The following DNAJC7 variants were observed in gnomAD, a reference collection of about 807,000 sequenced individuals.
The protein encoded by DNAJC7 is dnaJ homolog subfamily C member 7.
In DNAJC7, 18 loss-of-function variants were observed where a neutral mutation model predicts 67.4. The observed-to-expected ratio is 0.27, with a 90% CI of 0.18 to 0.40. The LOEUF is 0.40. Ranked by LOEUF, DNAJC7 falls within the 10% of genes least tolerant of loss-of-function variation. DNAJC7 has a pLI of 1.00. For missense variants in DNAJC7, 419 were observed against 613.8 expected, an observed-to-expected ratio of 0.68 and a Z score of 3.35; for synonymous variants, 220 against 207.8, an observed-to-expected ratio of 1.06 and a Z score of -0.50.
In DNAJC7 at chr17:41,981,760, T is replaced by C. The variant is rs1204475435; in HGVS notation, c.1384+95A>G. 2.0e-6 allele frequency: 3 copies of C among 1,511,318 alleles called. No homozygotes were observed. The East Asian group carries it at 6.8e-5, about 34-fold the overall frequency. The allele number at this position is 1,511,318 out of a possible 1,614,324, so 93.6% of individuals were successfully genotyped here. On this transcript the variant is annotated intron_variant, in intron 12 of 13. Coordinates refer to ENST00000457167, the MANE Select transcript of DNAJC7 (RefSeq NM_003315.4). ...TACTGTTTGGACCAGGGATCAGATT[T>C]GGCCCAAATAGACTCTCCCTCTGGA...
At chr17:41,983,714 C>T in intron 9 of DNAJC7, 78 bp from the exon 10 acceptor site, 5 of 1,309,300 alleles carry the variant, frequency 3.8e-6, no homozygotes, top group Non-Finnish European at 4.2e-6. Flanking sequence ...GGGCAAGAGG[C>T]ATGGCTCAAG....
chr17:41,989,012 G>GCC, intron 7 of DNAJC7, 116 bp from the exon 8 acceptor site: 1 of 1,279,174 alleles, frequency 7.8e-7, no homozygotes, highest in East Asian at 2.4e-5. Flanking sequence ...GCATCACAGA[G>GCC]CCCCGCCAAC....
At position 41,994,801 on chromosome 17, in the gene DNAJC7, TCA is replaced by T. The variant is rs1177745103; in HGVS notation, c.480+67_480+68del. The T allele has an allele frequency of 5.2e-4, 700 of 1,346,490 alleles. 1 individual carries two copies. The highest frequency in any genetic ancestry group is 4.9e-4 in the Non-Finnish European group (464 of 941,338). 83.4% of individuals were successfully genotyped at this position (1,346,490 alleles called of 1,614,324 possible). A position where few individuals can be genotyped will look rare whatever the true frequency, so the allele number is the denominator to read the frequency against. ...TGTGCCATACTACTCCTCTTAATTATCACACACACACACGAATGGGAATTTTG... is the reference window on the plus strand; with the variant it reads ...TGTGCCATACTACTCCTCTTAATTATCACACACACACGAATGGGAATTTTG... On this transcript the variant is annotated intron_variant, in intron 5 of 13. Coordinates refer to ENST00000457167, the MANE Select transcript of DNAJC7 (RefSeq NM_003315.4).
In DNAJC7 at chr17:41,994,893, A is replaced by G. The variant is rs1555648349; in HGVS notation, c.457T>C (p.Phe153Leu). ...MEYEKIAETD[F>L]EKRDFRKVVF... Reference sequence around the variant, plus strand: ...ACCTTCCGAAAATCTCGCTTCTCAAAATCTGTTTCTGCTATTTTCTCATAT... The same window carrying G: ...ACCTTCCGAAAATCTCGCTTCTCAAGATCTGTTTCTGCTATTTTCTCATAT... The change falls in exon 5 of 14, where the codon TTT becomes CTT. Residue 153 changes from phenylalanine (F) to leucine (L), a missense_variant. Transcript: ENST00000457167. 15 of 1,613,978 alleles carry G rather than the reference A, an allele frequency of 9.3e-6. No homozygotes were observed. The highest frequency in any genetic ancestry group is 1.2e-5 in the Non-Finnish European group (14 of 1,179,884).
At chr17:41,983,495 C>G in intron 10 of DNAJC7, 68 bp downstream of exon 10, 1 of 1,377,454 alleles carries the variant, frequency 7.3e-7, no homozygotes, top group South Asian at 1.3e-5. Flanking sequence ...ATCAAACTAC[C>G]TTGTGTACAG....
chr17:41,987,905 C>T lies in DNAJC7; in HGVS notation c.924G>A (p.Arg308=), dbSNP rs782476306. The change falls in exon 9 of 14, where the codon AGG becomes AGA. Residue 308 remains arginine (R), a synonymous_variant. Transcript: ENST00000457167. ...CNRGTVNSKL[R]KLDDAIEDCT... Reference sequence around the variant, plus strand: ...AGTCTTCTATTGCATCATCTAGTTTCCTAAGCTTCAGGAGAGAGAGAGCAA... The same window carrying T: ...AGTCTTCTATTGCATCATCTAGTTTTCTAAGCTTCAGGAGAGAGAGAGCAA... The T allele has an allele frequency of 8.1e-6, 13 of 1,609,894 alleles. No individual in the cohort carries two copies. The highest frequency in any genetic ancestry group is 1.7e-4 in the Middle Eastern group (1 of 6,058).
At chr17:41,976,842 A>C (rs1435430049) in intron 13 of DNAJC7, 72 bp from the exon 14 acceptor site, 1 of 1,564,954 alleles carries the variant, frequency 6.4e-7, no homozygotes, top group African/African-American at 1.4e-5. Flanking sequence ...CTGATTATGG[A>C]AAAGTCTTCA....
chr17:41,989,338 C>T lies in DNAJC7; in HGVS notation c.753+66G>A, dbSNP rs980769751. ...TTCCTTGTGATTCTAAAACCTTCCA[C>T]TCTAGCCATCTTAAAGGTCCCAAAA... On this transcript the variant is annotated intron_variant, in intron 7 of 13. Coordinates refer to ENST00000457167, the MANE Select transcript of DNAJC7 (RefSeq NM_003315.4). The T allele has an allele frequency of 1.8e-4, 280 of 1,579,326 alleles. 1 individual carries two copies. The highest frequency in any genetic ancestry group is 1.1e-4 in the Admixed American group (6 of 55,218).
rs577825220 is a variant in DNAJC7, at chr17:42,017,143, G to C, written c.77+197C>G. ...AGGCCATGCCTCAGCTCCTACGCCA[G>C]GCGGAAGCGGGAGAGGAAGGCCGAC... On this transcript the variant is annotated intron_variant, in intron 1 of 13. Transcript: ENST00000457167. 13 of 1,482,186 alleles carry C rather than the reference G, an allele frequency of 8.8e-6. No individual in the cohort carries two copies. In the East Asian group the frequency reaches 3.0e-4, roughly 34 times the overall value. 91.8% of individuals were successfully genotyped at this position (1,482,186 alleles called of 1,614,324 possible).
rs181074739 is a variant in DNAJC7 at position 42,008,690 on chromosome 17, G to A, written c.78-8120C>T. 1.7e-3 allele frequency among the ~76,000 whole-genome samples: 257 copies of A among 152,166 alleles called. 4 individuals are homozygous for A. The highest frequency in any genetic ancestry group is 5.9e-3 in the African/African-American group (246 of 41,510). ...CTCCCAAAGTGCTGGGATTACAGGC[G>A]TGAGCCACCGCGCCGGGTCAGACAT... On this transcript the variant is annotated intron_variant, in intron 1 of 13. Transcript: ENST00000457167.
chr17:41,993,071 C>T (rs142764599), intron 5 of DNAJC7, among the ~76,000 whole-genome samples: 55 of 152,338 alleles, frequency 3.6e-4, no homozygotes, highest in African/African-American at 1.3e-3. Context: ...TAATAAGTTA[C>T]TGCCGGGACT....
intron 9 of DNAJC7, 133 bp downstream of exon 9, chr17:41,987,686 C>A: frequency 1.4e-6 from 1 of 696,734 alleles, no homozygotes; most frequent in Non-Finnish European, 2.4e-6. Context: ...AGGGCTGGAA[C>A]AATCCCACCT....
chr17:42,010,102 A>G (rs1555650866), intron 1 of DNAJC7, among the ~76,000 whole-genome samples: 1 of 152,132 alleles, frequency 6.6e-6, no homozygotes, highest in African/African-American at 2.4e-5. Context: ...AGATCGTGCC[A>G]TTGCACACTC....
At chr17:42,005,145 A>T (rs1283588202) in intron 1 of DNAJC7, among the ~76,000 whole-genome samples, 1 of 152,264 alleles carries the variant, frequency 6.6e-6, no homozygotes, top group Non-Finnish European at 1.5e-5. Context: ...CTCTCAATTC[A>T]GCATTCATTC....
intron 1 of DNAJC7, among the ~76,000 whole-genome samples, chr17:42,006,647 A>G (rs2051965317): frequency 6.6e-6 from 1 of 151,110 alleles, no homozygotes; most frequent in Non-Finnish European, 1.5e-5. Context: ...AAATACAAAA[A>G]TTAGCCGGGC....
chr17:41,980,199 G>A lies in DNAJC7; in HGVS notation c.1384+1656C>T, dbSNP rs138523903. 2.4e-3 allele frequency among the ~76,000 whole-genome samples: 370 copies of A among 151,430 alleles called. 2 individuals carry two copies. The highest frequency in any genetic ancestry group is 8.6e-3 in the African/African-American group (355 of 41,328). On this transcript the variant is annotated intron_variant, in intron 12 of 13. Transcript: ENST00000457167. Reference sequence around the variant, plus strand: ...CAAGTAGCTGGGACTACAGGCGTGCGCCACCATGGCTAGCTAATTTTTGTA... The same window carrying A: ...CAAGTAGCTGGGACTACAGGCGTGCACCACCATGGCTAGCTAATTTTTGTA...
intron 1 of DNAJC7, among the ~76,000 whole-genome samples, chr17:42,007,055 T>A (rs1189418101): frequency 1.3e-5 from 2 of 150,398 alleles, no homozygotes; most frequent in Non-Finnish European, 3.0e-5. Flanking sequence ...TGAGCTGACA[T>A]CGCGCCACTG....
intron 5 of DNAJC7, among the ~76,000 whole-genome samples, chr17:41,992,983 T>C (rs1173591010): frequency 6.6e-6 from 1 of 152,092 alleles, no homozygotes; most frequent in Non-Finnish European, 1.5e-5. Context: ...AACACACACA[T>C]GCCAAACAAA....
At position 41,977,502 on chromosome 17, in the gene DNAJC7, G is replaced by C. The variant is rs2051121795; in HGVS notation, c.1385-179C>G. On this transcript the variant is annotated intron_variant, in intron 12 of 13. Coordinates refer to ENST00000457167, the MANE Select transcript of DNAJC7 (RefSeq NM_003315.4). ...ACCTGCCCCATCCCGTGCAAAACAT[G>C]CTACCTGATCCCACTCCTAGGACAT... 6 of 552,134 alleles carry C rather than the reference G, an allele frequency of 1.1e-5. No individual in the cohort carries two copies. In the South Asian group the frequency reaches 1.2e-4, roughly 11 times the overall value. 34.2% of individuals were successfully genotyped at this position (552,134 alleles called of 1,614,324 possible). A position where few individuals can be genotyped will look rare whatever the true frequency, so the allele number is the denominator to read the frequency against.
Sources: allele counts gnomAD v4.1 joint callset (sites outside exome capture counted in the v4.1 genomes callset), GRCh38; gene constraint gnomAD v4.1.1; transcripts MANE v1.5; gene names NCBI Gene and HGNC (gene_info 2026-07-23, HGNC 2026-07-21).